Variants in UNC5D observed in about 807,000 individuals in gnomAD.
The protein encoded by UNC5D is unc-5 netrin receptor D, also known as netrin receptor UNC5D.
A neutral mutation model predicts 105.4 loss-of-function variants in UNC5D; 39 were observed. The observed-to-expected ratio is 0.37, with a 90% CI of 0.29 to 0.48. UNC5D has a LOEUF of 0.48. Ranked by LOEUF, UNC5D falls within the 20% of genes least tolerant of loss-of-function variation. UNC5D has a pLI of 0.98. For synonymous variants in UNC5D, 452 were observed against 450.4 expected, an observed-to-expected ratio of 1.00 and a Z score of -0.04; for missense variants, 991 against 1,202.4, an observed-to-expected ratio of 0.82 and a Z score of 2.60.
chr8:35,785,533 T>C (rs556911129), intron 16 of UNC5D, among the ~76,000 whole-genome samples: 238 of 152,206 alleles, frequency 1.6e-3, no homozygotes, highest in African/African-American at 5.5e-3. Context: ...CTAATTTTTA[T>C]ATTTTTAGAA....
chr8:35,575,638 A>C (rs1818039883), intron 3 of UNC5D, among the ~76,000 whole-genome samples: 1 of 152,184 alleles, frequency 6.6e-6, no homozygotes, highest in Admixed American at 6.5e-5. Flanking sequence ...CATGGCATGG[A>C]ACATAATATT....
At chr8:35,783,681 C>T (rs572931656) in intron 16 of UNC5D, among the ~76,000 whole-genome samples, 2 of 152,174 alleles carry the variant, frequency 1.3e-5, no homozygotes, top group South Asian at 4.2e-4. Flanking sequence ...TGTGCTAGTC[C>T]CTAAAATATT....
intron 1 of UNC5D, among the ~76,000 whole-genome samples, chr8:35,431,119 A>G (rs1476534194): frequency 6.6e-6 from 1 of 152,222 alleles, no homozygotes; most frequent in Admixed American, 6.5e-5. Context: ...ACTGTTAATA[A>G]GATAAACCAG....
At chr8:35,306,340 A>G (rs907732769) in intron 1 of UNC5D, among the ~76,000 whole-genome samples, 2 of 152,204 alleles carry the variant, frequency 1.3e-5, no homozygotes, top group African/African-American at 4.8e-5. Flanking sequence ...AAGATTATCA[A>G]TTATATTTTT....
At chr8:35,510,111 G>A (rs1456176177) in intron 1 of UNC5D, among the ~76,000 whole-genome samples, 1 of 151,924 alleles carries the variant, frequency 6.6e-6, no homozygotes, top group Non-Finnish European at 1.5e-5. Flanking sequence ...TTCATTACTA[G>A]GCATTTTTCA....
intron 1 of UNC5D, among the ~76,000 whole-genome samples, chr8:35,369,341 T>A (rs2128923878): frequency 6.6e-6 from 1 of 152,324 alleles, no homozygotes; most frequent in Non-Finnish European, 1.5e-5. Flanking sequence ...ACAGATAGCA[T>A]GATATTCCTT....
Position 35,287,556 on chromosome 8 carries a change from G to T in UNC5D, c.103+51669G>T, listed in dbSNP as rs1585501003. Among the ~76,000 whole-genome samples, 3 of 47,582 alleles carry T rather than the reference G, an allele frequency of 6.3e-5. No individual in the cohort carries two copies. In the Admixed American group the frequency reaches 9.6e-4, roughly 15 times the overall value. 31.2% of individuals were successfully genotyped at this position (47,582 alleles called of 152,430 possible). On this transcript the variant is annotated intron_variant, in intron 1 of 16. Coordinates refer to ENST00000404895, the MANE Select transcript of UNC5D (RefSeq NM_080872.4). Reference sequence around the variant, plus strand: ...GTGCCTGAAATCCCAGTACTTTGGGGGGCTGAGGCGGCTAATCATTTGAGT... The same window carrying T: ...GTGCCTGAAATCCCAGTACTTTGGGTGGCTGAGGCGGCTAATCATTTGAGT...
chr8:35,481,705 T>TTA (rs1810497685), intron 1 of UNC5D, among the ~76,000 whole-genome samples: 1 of 152,240 alleles, frequency 6.6e-6, no homozygotes, highest in Non-Finnish European at 1.5e-5. Context: ...CCTATCATCT[T>TTA]GTTAATTAAT....
chr8:35,486,914 A>G (rs1044658286), intron 1 of UNC5D, among the ~76,000 whole-genome samples: 2 of 152,176 alleles, frequency 1.3e-5, no homozygotes, highest in African/African-American at 4.8e-5. Flanking sequence ...CCAGGGTCAT[A>G]CAACTAACTG....
At chr8:35,392,579 C>T (rs1016827466) in intron 1 of UNC5D, among the ~76,000 whole-genome samples, 9 of 152,182 alleles carry the variant, frequency 5.9e-5, no homozygotes, top group African/African-American at 1.9e-4. Flanking sequence ...CGCAAAGTTA[C>T]ACCTCTGTCT....
intron 4 of UNC5D, among the ~76,000 whole-genome samples, chr8:35,637,261 T>C (rs1822438485): frequency 6.6e-6 from 1 of 152,218 alleles, no homozygotes; most frequent in Non-Finnish European, 1.5e-5. Flanking sequence ...AATCACACTT[T>C]TCCTTTGTGA....
intron 1 of UNC5D, among the ~76,000 whole-genome samples, chr8:35,545,253 A>T (rs1341529523): frequency 6.6e-6 from 1 of 152,220 alleles, no homozygotes; most frequent in Admixed American, 6.5e-5. Context: ...TGTCCCAAAG[A>T]ATAGAATCTG....
At chr8:35,653,815 A>G (rs1658155120) in intron 4 of UNC5D, among the ~76,000 whole-genome samples, 1 of 152,116 alleles carries the variant, frequency 6.6e-6, no homozygotes, top group Admixed American at 6.6e-5. Context: ...ACCTTCATAC[A>G]TTCTTTTATT....
At chr8:35,311,958 GA>G (rs987408608) in intron 1 of UNC5D, among the ~76,000 whole-genome samples, 20 of 151,714 alleles carry the variant, frequency 1.3e-4, no homozygotes, top group East Asian at 3.9e-4. Context: ...AGAATAACGG[GA>G]AAAAAAAGAA....
intron 4 of UNC5D, among the ~76,000 whole-genome samples, chr8:35,652,153 GC>G (rs1311811595): frequency 1.3e-5 from 2 of 152,012 alleles, no homozygotes; most frequent in African/African-American, 2.4e-5. Flanking sequence ...ACACAATAAT[GC>G]ATTTATTTTC....
chr8:35,473,129 C>T (rs1044470902), intron 1 of UNC5D, among the ~76,000 whole-genome samples: 1 of 152,070 alleles, frequency 6.6e-6, no homozygotes. Context: ...GAGCCAATGA[C>T]CTCAATTACA....
chr8:35,674,355 C>G (rs909993444), intron 4 of UNC5D, among the ~76,000 whole-genome samples: 1 of 152,034 alleles, frequency 6.6e-6, no homozygotes, highest in Non-Finnish European at 1.5e-5. Flanking sequence ...AATTTGGAAT[C>G]AAATTATGTC....
intron 1 of UNC5D, among the ~76,000 whole-genome samples, chr8:35,524,722 G>C (rs1007173428): frequency 6.6e-6 from 1 of 151,134 alleles, no homozygotes; most frequent in African/African-American, 2.4e-5. Context: ...TTGCTGCTCT[G>C]GTCTCAACTT....
At chr8:35,335,192 C>A (rs545142345) in intron 1 of UNC5D, among the ~76,000 whole-genome samples, 1 of 152,084 alleles carries the variant, frequency 6.6e-6, no homozygotes, top group Non-Finnish European at 1.5e-5. Flanking sequence ...CATTGATGGG[C>A]GCTGGGATTG....
Sources: gnomAD v4.1 joint callset for allele counts (sites outside exome capture counted in the v4.1 genomes callset) on GRCh38, gnomAD v4.1.1 for gene constraint, MANE v1.5 for transcripts, NCBI Gene and HGNC (gene_info 2026-07-23, HGNC 2026-07-21) for gene names.